Variants in CNBD1 observed in about 807,000 individuals in gnomAD.
The protein encoded by CNBD1 is cyclic nucleotide binding domain containing 1, also known as cyclic nucleotide-binding domain-containing protein 1.
In CNBD1, 71 loss-of-function variants were observed where a neutral mutation model predicts 54.4. That is an observed-to-expected ratio of 1.30 (90% CI 1.08 to 1.59). The LOEUF is 1.59. CNBD1 is among the 40% of genes most tolerant of loss of function. CNBD1 has a pLI of 0.00. For missense variants in CNBD1, 659 were observed against 518.0 expected (o/e 1.27, Z -2.64); for synonymous variants, 182 against 170.7 (o/e 1.07, Z -0.51).
At chr8:87,295,089 T>C (rs1483075821) in intron 8 of CNBD1, among the ~76,000 whole-genome samples, 1 of 151,982 alleles carries the variant, frequency 6.6e-6, no homozygotes, top group Non-Finnish European at 1.5e-5. Flanking sequence ...GTGATGGCTA[T>C]GTAAAATTTA....
intron 2 of CNBD1, among the ~76,000 whole-genome samples, chr8:87,401,462 G>T (rs1485965167): frequency 6.6e-6 from 1 of 152,068 alleles, no homozygotes; most frequent in African/African-American, 2.4e-5. Context: ...GCCCTTCAGT[G>T]CTGAGAGAGA....
At chr8:87,154,363 A>C (rs1386838313) in intron 4 of CNBD1, among the ~76,000 whole-genome samples, 1 of 152,206 alleles carries the variant, frequency 6.6e-6, no homozygotes, top group African/African-American at 2.4e-5. Flanking sequence ...TGAGTCTTAA[A>C]GGCCATCGGA....
intron 4 of CNBD1, among the ~76,000 whole-genome samples, chr8:87,103,865 T>C (rs1177528596): frequency 6.6e-6 from 1 of 152,152 alleles, no homozygotes; most frequent in Non-Finnish European, 1.5e-5. Context: ...GACCCTGAAG[T>C]CACAGACAGT....
At chr8:86,978,101 G>A (rs1035300919) in intron 4 of CNBD1, among the ~76,000 whole-genome samples, 1 of 152,062 alleles carries the variant, frequency 6.6e-6, no homozygotes, top group Admixed American at 6.6e-5. Flanking sequence ...ACTTTCAAAA[G>A]ATTGGAATGT....
intron 10 of CNBD1, among the ~76,000 whole-genome samples, chr8:87,370,578 G>GT (rs1384158566): frequency 1.3e-5 from 2 of 151,754 alleles, no homozygotes; most frequent in African/African-American, 4.8e-5. Context: ...GGGGTTGTTT[G>GT]TTTTTTTCTT....
intron 1 of CNBD1, among the ~76,000 whole-genome samples, chr8:86,872,441 A>G (rs1030444793): frequency 2.0e-5 from 3 of 152,188 alleles, no homozygotes; most frequent in Admixed American, 6.5e-5. Flanking sequence ...TGTAGTCACT[A>G]TAGAGGCAGA....
chr8:87,070,971 C>T (rs1810748696), intron 4 of CNBD1, among the ~76,000 whole-genome samples: 1 of 151,930 alleles, frequency 6.6e-6, no homozygotes, highest in Admixed American at 6.6e-5. Context: ...ATAATGTTTA[C>T]TGTTCTCATT....
At chr8:87,161,614 G>A (rs141802670) in intron 4 of CNBD1, among the ~76,000 whole-genome samples, 22 of 152,198 alleles carry the variant, frequency 1.4e-4, no homozygotes, top group Non-Finnish European at 2.8e-4. Context: ...GAAAGATAGA[G>A]ATCTTGAATT....
At chr8:87,311,449 CAG>C (rs1809263520) in intron 8 of CNBD1, among the ~76,000 whole-genome samples, 1 of 152,030 alleles carries the variant, frequency 6.6e-6, no homozygotes, top group African/African-American at 2.4e-5. Context: ...CAAAAAATAA[CAG>C]ATGCTGGTGA....
At chr8:86,989,625 T>C (rs1038634322) in intron 4 of CNBD1, among the ~76,000 whole-genome samples, 1 of 152,034 alleles carries the variant, frequency 6.6e-6, no homozygotes, top group Non-Finnish European at 1.5e-5. Context: ...TAATTTTTTG[T>C]ATTTTAGTAG....
At chr8:87,376,531 T>A (rs1810943161) in intron 10 of CNBD1, among the ~76,000 whole-genome samples, 1 of 151,914 alleles carries the variant, frequency 6.6e-6, no homozygotes, top group Non-Finnish European at 1.5e-5. Flanking sequence ...AAAATAATTA[T>A]CTTCTGAAAA....
chr8:87,194,647 G>A (rs1586321163), intron 4 of CNBD1, among the ~76,000 whole-genome samples: 1 of 151,756 alleles, frequency 6.6e-6, no homozygotes, highest in Admixed American at 6.6e-5. Flanking sequence ...TTAATATTTT[G>A]ACTAATGTTA....
In CNBD1 at chr8:87,339,002, A is replaced by G. The variant is rs906544692; in HGVS notation, c.1043-12683A>G. ...GTTTTCTCTTCCTTTAGGTGGGACC[A>G]GAGGCCTAAAATGGGCTACAGTTTG... On this transcript the variant is annotated intron_variant, in intron 8 of 10. Coordinates refer to ENST00000518476, the MANE Select transcript of CNBD1 (RefSeq NM_173538.3). 4.6e-5 allele frequency among the ~76,000 whole-genome samples: 7 copies of G among 152,266 alleles called. No individual in the cohort carries two copies. In the East Asian group the frequency reaches 1.4e-3, roughly 29 times the overall value.
intron 5 of CNBD1, among the ~76,000 whole-genome samples, chr8:87,216,643 T>C (rs1205196181): frequency 6.6e-6 from 1 of 152,308 alleles, no homozygotes; most frequent in South Asian, 2.1e-4. Context: ...CCCTTTCTTA[T>C]GTTTGAGGAC....
intron 3 of CNBD1, among the ~76,000 whole-genome samples, chr8:86,922,233 A>T (rs575766217): frequency 1.3e-5 from 2 of 152,158 alleles, no homozygotes; most frequent in Admixed American, 6.6e-5. Context: ...TGTTGAAAAA[A>T]TTTTTTTCAA....
intron 8 of CNBD1, among the ~76,000 whole-genome samples, chr8:87,328,287 A>G (rs1809730787): frequency 6.6e-6 from 1 of 151,980 alleles, no homozygotes; most frequent in African/African-American, 2.4e-5. Context: ...TTGACAACAT[A>G]TGTGTGAATT....
chr8:86,975,724 C>T (rs1162498346), intron 4 of CNBD1, among the ~76,000 whole-genome samples: 2 of 151,918 alleles, frequency 1.3e-5, no homozygotes, highest in South Asian at 2.1e-4. Context: ...TGCTGATTTC[C>T]ATTCCGTTGG....
chr8:86,867,759 G>T (rs1255564617), intron 1 of CNBD1, among the ~76,000 whole-genome samples: 7 of 152,082 alleles, frequency 4.6e-5, no homozygotes, highest in Admixed American at 4.6e-4. Context: ...TTTTTAAAAA[G>T]CCCAGGAAAC....
chr8:86,939,888 G>A, intron 4 of CNBD1, 134 bp downstream of exon 4: 1 of 526,828 alleles, frequency 1.9e-6, no homozygotes, highest in Admixed American at 3.7e-5. Flanking sequence ...AGGAGAGATG[G>A]ACACACTGGA....
Sources: allele counts gnomAD v4.1 joint callset (sites outside exome capture counted in the v4.1 genomes callset), GRCh38; gene constraint gnomAD v4.1.1; transcripts MANE v1.5; gene names NCBI Gene and HGNC (gene_info 2026-07-23, HGNC 2026-07-21).